The following GPC5 variants were observed in gnomAD, a reference collection of about 807,000 sequenced individuals.
GPC5 encodes the protein glypican-5.
A neutral mutation model predicts 53.9 loss-of-function variants in GPC5; 47 were observed. The observed-to-expected ratio is 0.87, with a 90% CI of 0.69 to 1.11. The LOEUF is 1.11. GPC5 is among the 50% of genes most tolerant of loss of function. GPC5 has a pLI of 0.00. For synonymous variants in GPC5, 286 were observed against 263.3 expected (o/e 1.09, Z -0.84); for missense variants, 748 against 713.1 (o/e 1.05, Z -0.56).
At chr13:91,778,366 C>T (rs564330028) in intron 5 of GPC5, among the ~76,000 whole-genome samples, 13 of 152,186 alleles carry the variant, frequency 8.5e-5, no homozygotes, top group African/African-American at 3.1e-4. Flanking sequence ...TGGTCTCCAT[C>T]TTCTTCACTT....
At chr13:92,619,465 A>G (rs1339449566) in intron 7 of GPC5, among the ~76,000 whole-genome samples, 1 of 152,016 alleles carries the variant, frequency 6.6e-6, no homozygotes, top group African/African-American at 2.4e-5. Flanking sequence ...AAGATCGCAT[A>G]TACGTCTTTA....
chr13:92,412,259 C>T (rs1279859796), intron 7 of GPC5, among the ~76,000 whole-genome samples: 4 of 152,300 alleles, frequency 2.6e-5, no homozygotes, highest in Admixed American at 2.0e-4. Flanking sequence ...CAGATATTTA[C>T]TGTCTACCTG....
chr13:91,867,813 T>C lies in GPC5; in HGVS notation c.1281-40124T>C, dbSNP rs548970228. Among the ~76,000 whole-genome samples, 8 of 152,378 alleles carry C rather than the reference T, an allele frequency of 5.3e-5. 1 individual carries two copies. Among genetic ancestry groups the C allele is most frequent in the African/African-American group, 1.9e-4 (8 of 41,600 alleles). Reference sequence around the variant, plus strand: ...TCTGATCAAATATTAACTTTTATTATAAATGAACGAACAATTGTATAGCAT... The same window carrying C: ...TCTGATCAAATATTAACTTTTATTACAAATGAACGAACAATTGTATAGCAT... On this transcript the variant is annotated intron_variant, in intron 5 of 7. Coordinates refer to ENST00000377067, the MANE Select transcript of GPC5 (RefSeq NM_004466.6).
Position 92,856,299 on chromosome 13 carries a change from G to A in GPC5, c.1562-9983G>A, listed in dbSNP as rs117351171. On this transcript the variant is annotated intron_variant, in intron 7 of 7. Coordinates refer to ENST00000377067, the MANE Select transcript of GPC5 (RefSeq NM_004466.6). ...ACAGAAAAGGCCTTTGATAAAATCC[G>A]ACATCTTTCATGATAAAAACAGAGT... Among the ~76,000 whole-genome samples, 325 of 151,948 alleles carry A rather than the reference G, an allele frequency of 2.1e-3. 3 individuals carry two copies. The East Asian group carries it at 0.033, about 16-fold the overall frequency.
intron 7 of GPC5, among the ~76,000 whole-genome samples, chr13:92,805,398 A>G (rs935439830): frequency 2.0e-5 from 3 of 152,024 alleles, no homozygotes; most frequent in African/African-American, 7.2e-5. Context: ...CTCTTTGGTG[A>G]CTAGGTCAAT....
At chr13:92,313,796 A>G (rs907789968) in intron 7 of GPC5, among the ~76,000 whole-genome samples, 2 of 152,154 alleles carry the variant, frequency 1.3e-5, no homozygotes, top group African/African-American at 4.8e-5. Flanking sequence ...TGGGCCCAGG[A>G]AGGGGTCCTG....
intron 2 of GPC5, among the ~76,000 whole-genome samples, chr13:91,479,932 A>G (rs905081726): frequency 1.3e-5 from 2 of 152,214 alleles, no homozygotes; most frequent in African/African-American, 4.8e-5. Context: ...TATTTGTTAT[A>G]AAAAAGAAAT....
chr13:92,801,518 A>T (rs1321923087), intron 7 of GPC5, among the ~76,000 whole-genome samples: 3 of 151,772 alleles, frequency 2.0e-5, no homozygotes, highest in Non-Finnish European at 2.9e-5. Flanking sequence ...AATACACTAT[A>T]CTTTTTATTG....
chr13:91,830,344 T>A (rs1374740310), intron 5 of GPC5, among the ~76,000 whole-genome samples: 1 of 152,064 alleles, frequency 6.6e-6, no homozygotes, highest in Admixed American at 6.6e-5. Flanking sequence ...TGTTCTTTTT[T>A]CAAGGTGCCC....
intron 7 of GPC5, among the ~76,000 whole-genome samples, chr13:92,155,543 AAC>A (rs1217522381): frequency 6.6e-6 from 1 of 151,986 alleles, no homozygotes; most frequent in African/African-American, 2.4e-5. Context: ...ATCTTCTTTT[AAC>A]TTTCTTCCTC....
At chr13:91,449,142 T>C (rs1164709088) in intron 2 of GPC5, among the ~76,000 whole-genome samples, 3 of 152,148 alleles carry the variant, frequency 2.0e-5, no homozygotes, top group Non-Finnish European at 4.4e-5. Flanking sequence ...TGGACTGTTA[T>C]GTTAGTGAAA....
intron 3 of GPC5, among the ~76,000 whole-genome samples, chr13:91,712,219 A>C (rs983026698): frequency 2.6e-5 from 4 of 152,118 alleles, no homozygotes; most frequent in African/African-American, 9.7e-5. Flanking sequence ...TGCACCGAGA[A>C]TTATTATATT....
At chr13:91,732,864 C>G (rs1031004870) in intron 4 of GPC5, among the ~76,000 whole-genome samples, 1 of 152,132 alleles carries the variant, frequency 6.6e-6, no homozygotes, top group African/African-American at 2.4e-5. Context: ...GGTCTCTGCT[C>G]TGTTCCATTG....
intron 7 of GPC5, among the ~76,000 whole-genome samples, chr13:92,293,354 G>A (rs928466238): frequency 6.9e-6 from 1 of 145,578 alleles, no homozygotes; most frequent in East Asian, 2.1e-4. Flanking sequence ...GCAGTGTTTT[G>A]AAGTTTTCCT....
chr13:91,935,281 A>C (rs529834124), intron 6 of GPC5, among the ~76,000 whole-genome samples: 1 of 152,154 alleles, frequency 6.6e-6, no homozygotes, highest in South Asian at 2.1e-4. Flanking sequence ...TGTGTCTTCC[A>C]AACTTCATAG....
At chr13:91,985,648 G>C (rs2040400012) in intron 6 of GPC5, among the ~76,000 whole-genome samples, 2 of 151,876 alleles carry the variant, frequency 1.3e-5, no homozygotes, top group African/African-American at 4.8e-5. Flanking sequence ...TTCTTGATTT[G>C]TTGTAGCCTA....
At chr13:91,422,715 C>T (rs1878729299) in intron 1 of GPC5, among the ~76,000 whole-genome samples, 1 of 151,904 alleles carries the variant, frequency 6.6e-6, no homozygotes, top group African/African-American at 2.4e-5. Flanking sequence ...CTGGTGAGGG[C>T]CTTCCTGCTG....
intron 2 of GPC5, among the ~76,000 whole-genome samples, chr13:91,626,411 C>G (rs545808186): frequency 2.0e-5 from 3 of 152,180 alleles, no homozygotes; most frequent in Admixed American, 2.0e-4. Context: ...CAGTTTATAA[C>G]AGTATTATCC....
intron 6 of GPC5, among the ~76,000 whole-genome samples, chr13:91,969,909 G>A (rs898234742): frequency 3.3e-5 from 5 of 152,024 alleles, no homozygotes; most frequent in African/African-American, 7.2e-5. Context: ...CCTCTTATAC[G>A]CACTGTTCAT....
Sources: allele counts gnomAD v4.1 joint callset (sites outside exome capture counted in the v4.1 genomes callset), GRCh38; gene constraint gnomAD v4.1.1; transcripts MANE v1.5; gene names NCBI Gene and HGNC (gene_info 2026-07-23, HGNC 2026-07-21).